Variants in MAP4K4 observed in about 807,000 individuals in gnomAD.
MAP4K4 encodes the protein HPK/GCK-like kinase HGK.
In MAP4K4, 38 loss-of-function variants were observed where a neutral mutation model predicts 189.6. That is an observed-to-expected ratio of 0.20 (90% CI 0.15 to 0.26). The LOEUF is 0.26. Among genes scored for constraint, MAP4K4 ranks in the 10% least tolerant of loss-of-function variants. The pLI is 1.00. For missense variants in MAP4K4, 1,054 were observed against 1,726.9 expected, an observed-to-expected ratio of 0.61 and a Z score of 6.91; for synonymous variants, 610 against 624.3, an observed-to-expected ratio of 0.98 and a Z score of 0.34.
At chr2:101,871,769 AC>A in intron 24 of MAP4K4, 84 bp downstream of exon 24, 1 of 1,266,484 alleles carries the variant, frequency 7.9e-7, no homozygotes. Context: ...GACCTTTCCA[AC>A]ACCCTCACCC....
intron 9 of MAP4K4, among the ~76,000 whole-genome samples, chr2:101,836,941 T>G (rs2096774084): frequency 6.6e-6 from 1 of 152,134 alleles, no homozygotes; most frequent in Non-Finnish European, 1.5e-5. Flanking sequence ...TTTCTGGTTC[T>G]CCTGAGAATT....
chr2:101,779,098 T>C lies in MAP4K4; in HGVS notation c.124-11622T>C, dbSNP rs533967461. Among the ~76,000 whole-genome samples, 297 of 152,298 alleles carry C rather than the reference T, an allele frequency of 2.0e-3. 1 individual carries two copies. The highest frequency in any genetic ancestry group is 6.8e-3 in the Middle Eastern group (2 of 292). ...CTGTGTGCCAGGCACAATAAATAAA[T>C]GGATATTTATTAAATATATTTGTTG... On this transcript the variant is annotated intron_variant, in intron 2 of 32. Coordinates refer to ENST00000324219, the Ensembl canonical transcript of MAP4K4.
chr2:101,801,616 T>C (rs768949012), intron 3 of MAP4K4, among the ~76,000 whole-genome samples: 6 of 152,202 alleles, frequency 3.9e-5, no homozygotes, highest in Non-Finnish European at 7.3e-5. Context: ...TGAGCCACTC[T>C]TACCAGTTCT....
intron 2 of MAP4K4, among the ~76,000 whole-genome samples, chr2:101,771,348 C>T (rs560487208): frequency 7.9e-5 from 12 of 152,220 alleles, no homozygotes; most frequent in Non-Finnish European, 1.3e-4. Context: ...TTGCTTAGAC[C>T]GCCAGGATCT....
intron 2 of MAP4K4, among the ~76,000 whole-genome samples, chr2:101,771,504 G>A (rs2081400135): frequency 6.6e-6 from 1 of 152,106 alleles, no homozygotes; most frequent in South Asian, 2.1e-4. Context: ...TCTTTCATGT[G>A]TTTTCCTCTG....
chr2:101,886,211 C>G (rs1324037030), intron 29 of MAP4K4, among the ~76,000 whole-genome samples: 17 of 152,062 alleles, frequency 1.1e-4, no homozygotes, highest in Admixed American at 1.1e-3. Context: ...TACCAGGTAC[C>G]GTACTAGTTG....
chr2:101,851,531 A>G (rs773600179), intron 12 of MAP4K4, among the ~76,000 whole-genome samples: 1 of 152,068 alleles, frequency 6.6e-6, no homozygotes, highest in Non-Finnish European at 1.5e-5. Flanking sequence ...AGCTTTTCAC[A>G]TTACCTATTA....
At chr2:101,821,176 A>C (rs2096032138) in intron 3 of MAP4K4, among the ~76,000 whole-genome samples, 1 of 152,160 alleles carries the variant, frequency 6.6e-6, no homozygotes, top group African/African-American at 2.4e-5. Flanking sequence ...GGACTTTCCT[A>C]TATGCAGGGT....
intron 3 of MAP4K4, chr2:101,797,511 G>A: frequency 1.4e-6 from 1 of 711,076 alleles, no homozygotes; most frequent in Non-Finnish European, 2.0e-6. Context: ...CCATGTTTGT[G>A]GGATGCTAAA....
chr2:101,876,448 A>C (rs1462678518), intron 26 of MAP4K4, among the ~76,000 whole-genome samples: 2 of 152,232 alleles, frequency 1.3e-5, no homozygotes, highest in African/African-American at 4.8e-5. Flanking sequence ...AAGAGAACTG[A>C]CTACAGTTGT....
intron 12 of MAP4K4, among the ~76,000 whole-genome samples, chr2:101,846,039 G>A (rs777838335): frequency 1.4e-4 from 21 of 152,104 alleles, no homozygotes; most frequent in Admixed American, 1.3e-3. Context: ...ATAATTTGCC[G>A]CTTGTTTAGA....
chr2:101,879,925 G>A (rs1442493929), intron 27 of MAP4K4, among the ~76,000 whole-genome samples: 1 of 150,550 alleles, frequency 6.6e-6, no homozygotes, highest in African/African-American at 2.4e-5. Context: ...ATTAATAGGT[G>A]TATCTCATTT....
At chr2:101,765,100 A>G (rs1199385168) in intron 2 of MAP4K4, among the ~76,000 whole-genome samples, 1 of 152,190 alleles carries the variant, frequency 6.6e-6, no homozygotes, top group Non-Finnish European at 1.5e-5. Context: ...AGATAATTTC[A>G]AAATGTGAGA....
At chr2:101,708,520 G>A (rs576992344) in intron 2 of MAP4K4, among the ~76,000 whole-genome samples, 145 of 152,344 alleles carry the variant, frequency 9.5e-4, no homozygotes, top group African/African-American at 3.4e-3. Flanking sequence ...CAGTGCCATG[G>A]TACGTATTAA....
chr2:101,877,667 T>G (rs1404145471), intron 27 of MAP4K4, among the ~76,000 whole-genome samples: 1 of 150,870 alleles, frequency 6.6e-6, no homozygotes, highest in Non-Finnish European at 1.5e-5. Flanking sequence ...AAAGGAAGTA[T>G]TCTTTGCCAT....
At chr2:101,835,366 C>CATGTGTGCCT (rs2096719273) in intron 8 of MAP4K4, among the ~76,000 whole-genome samples, 2 of 152,218 alleles carry the variant, frequency 1.3e-5, no homozygotes, top group Non-Finnish European at 2.9e-5. Context: ...GTGTGCCTAA[C>CATGTGTGCCT]ACACCTTTAT....
At chr2:101,856,298 G>A (rs2097455866) in intron 13 of MAP4K4, among the ~76,000 whole-genome samples, 160 bp downstream of exon 13, 1 of 152,196 alleles carries the variant, frequency 6.6e-6, no homozygotes, top group African/African-American at 2.4e-5. Flanking sequence ...GTGAAACACA[G>A]TTGGAATGAC....
At chr2:101,806,519 G>T (rs1032112285) in intron 3 of MAP4K4, among the ~76,000 whole-genome samples, 33 of 152,042 alleles carry the variant, frequency 2.2e-4, no homozygotes, top group Admixed American at 2.2e-3. Flanking sequence ...GGGACTACAG[G>T]CACGTGCCAC....
At chr2:101,735,084 GC>G (rs1212985726) in intron 2 of MAP4K4, among the ~76,000 whole-genome samples, 1 of 152,248 alleles carries the variant, frequency 6.6e-6, no homozygotes, top group South Asian at 2.1e-4. Flanking sequence ...CAGCACGAAA[GC>G]CCTTTATTTT....
Sources: allele counts gnomAD v4.1 joint callset (sites outside exome capture counted in the v4.1 genomes callset), GRCh38; gene constraint gnomAD v4.1.1; transcripts MANE v1.5; gene names NCBI Gene and HGNC (gene_info 2026-07-23, HGNC 2026-07-21).